The following SEMA3E variants were observed in gnomAD, a reference collection of about 807,000 sequenced individuals.
SEMA3E encodes the protein semaphorin-3E.
SEMA3E carries 49 observed loss-of-function variants against 93.6 expected under a neutral mutation model. The ratio of observed to expected loss-of-function variants is 0.52; its 90% CI spans 0.42 to 0.66. SEMA3E has a LOEUF of 0.66. Ranked by LOEUF, SEMA3E falls within the 30% of genes least tolerant of loss-of-function variation. SEMA3E has a pLI of 0.00. For synonymous variants in SEMA3E, 363 were observed against 330.7 expected (o/e 1.10, Z -1.06); for missense variants, 906 against 964.8 (o/e 0.94, Z 0.81).
At chr7:83,545,194 C>T (rs565611253) in intron 1 of SEMA3E, among the ~76,000 whole-genome samples, 10 of 151,976 alleles carry the variant, frequency 6.6e-5, no homozygotes, top group African/African-American at 9.6e-5. Context: ...TGTTTAGAAA[C>T]GGGAGCCATA....
chr7:83,479,786 C>T (rs899429359), intron 2 of SEMA3E, among the ~76,000 whole-genome samples: 3 of 152,268 alleles, frequency 2.0e-5, no homozygotes, highest in Admixed American at 2.0e-4. Flanking sequence ...CTATAGAATC[C>T]GTGTTCTTTG....
chr7:83,630,765 C>T (rs1793769911), intron 1 of SEMA3E, among the ~76,000 whole-genome samples: 1 of 152,172 alleles, frequency 6.6e-6, no homozygotes, highest in East Asian at 1.9e-4. Flanking sequence ...AGCTCATAAA[C>T]TGGTAATGTA....
rs1459947839 is a variant in SEMA3E, at chr7:83,366,186, T to A, written c.*1400A>T. ...AACTGAAATAAACACTGTTTAAGAT[T>A]AATATCTAAATAAATGTTCATAATG... On this transcript the variant is annotated 3_prime_UTR_variant, in exon 17 of 17. Transcript: ENST00000643230. 1.3e-5 allele frequency: 2 copies of A among 152,084 alleles called. No homozygotes were observed. The highest frequency in any genetic ancestry group is 4.8e-5 in the African/African-American group (2 of 41,450). The allele number at this position is 152,084 out of a possible 1,614,324, so 9.4% of individuals were successfully genotyped here. A position where few individuals can be genotyped will look rare whatever the true frequency, so the allele number is the denominator to read the frequency against.
At chr7:83,427,200 CTTTTT>C (rs757026243) in intron 4 of SEMA3E, among the ~76,000 whole-genome samples, 1 of 151,584 alleles carries the variant, frequency 6.6e-6, no homozygotes, top group Admixed American at 6.6e-5. Flanking sequence ...TCCTTTCCTT[CTTTTT>C]TTCTTTTTTC....
At chr7:83,529,617 A>C (rs1400079266) in intron 1 of SEMA3E, among the ~76,000 whole-genome samples, 1 of 152,146 alleles carries the variant, frequency 6.6e-6, no homozygotes, top group Non-Finnish European at 1.5e-5. Context: ...GACTTTAGCT[A>C]GTCTATCCAG....
At chr7:83,389,511 T>A (rs1787948959) in intron 14 of SEMA3E, among the ~76,000 whole-genome samples, 1 of 151,760 alleles carries the variant, frequency 6.6e-6, no homozygotes, top group Non-Finnish European at 1.5e-5. Context: ...AAGAAAGACA[T>A]CACATTCTCC....
At chr7:83,493,191 A>C (rs1362679911) in intron 1 of SEMA3E, among the ~76,000 whole-genome samples, 2 of 151,942 alleles carry the variant, frequency 1.3e-5, no homozygotes, top group Admixed American at 6.6e-5. Context: ...TACAGTGCTG[A>C]GCTTTTATTT....
chr7:83,581,256 C>A (rs1562841995), intron 1 of SEMA3E, among the ~76,000 whole-genome samples: 1 of 151,934 alleles, frequency 6.6e-6, no homozygotes, highest in Non-Finnish European at 1.5e-5. Context: ...CTTTGTGTAT[C>A]ATTCCATCAG....
chr7:83,608,516 T>C (rs2115572032), intron 1 of SEMA3E, among the ~76,000 whole-genome samples: 1 of 152,240 alleles, frequency 6.6e-6, no homozygotes, highest in South Asian at 2.1e-4. Context: ...TTATAGTACA[T>C]ATATAATTCT....
intron 4 of SEMA3E, among the ~76,000 whole-genome samples, chr7:83,454,172 T>C (rs529971656): frequency 2.1e-5 from 3 of 146,006 alleles, no homozygotes; most frequent in Non-Finnish European, 4.5e-5. Flanking sequence ...GCAGGAGAAT[T>C]GCGTGAACCC....
chr7:83,583,227 G>A (rs1562842695), intron 1 of SEMA3E, among the ~76,000 whole-genome samples: 3 of 152,074 alleles, frequency 2.0e-5, no homozygotes, highest in Admixed American at 2.0e-4. Flanking sequence ...TATTTTTTAA[G>A]TTGATACATA....
intron 1 of SEMA3E, among the ~76,000 whole-genome samples, chr7:83,629,647 C>T (rs1793745031): frequency 6.6e-6 from 1 of 152,158 alleles, no homozygotes; most frequent in Admixed American, 6.5e-5. Flanking sequence ...TCCCCCCAAG[C>T]TTGAGTGTCC....
rs71074649 is a variant in SEMA3E, at chr7:83,394,271, T to TAC, written c.1500+24_1500+25dup. 841 of 1,489,522 alleles carry TAC rather than the reference T, an allele frequency of 5.6e-4. 2 individuals are homozygous for TAC. In the African/African-American group the frequency reaches 9.4e-3, roughly 17 times the overall value. 92.3% of individuals were successfully genotyped at this position (1,489,522 alleles called of 1,614,324 possible). On this transcript the variant is annotated intron_variant, in intron 13 of 16. Coordinates refer to ENST00000643230, the MANE Select transcript of SEMA3E (RefSeq NM_012431.3). ...AGCTCACATATAGAACACACACACC[T>TAC]ACACACACACACACACAGAACTTAC... is the stretch of plus-strand genomic sequence containing the variant.
At position 83,388,333 on chromosome 7, in the gene SEMA3E, A is replaced by G. The variant is rs982658137; in HGVS notation, c.1668-1283T>C. On this transcript the variant is annotated intron_variant, in intron 14 of 16. Transcript: ENST00000643230. ...AAAAAATAAAAAAATAAAAAAAAATATATATATATCTTTAAATATATAATA... is the reference window on the plus strand; with the variant it reads ...AAAAAATAAAAAAATAAAAAAAAATGTATATATATCTTTAAATATATAATA... Among the ~76,000 whole-genome samples the G allele has an allele frequency of 1.4e-4, 20 of 145,336 alleles. 2 individuals are homozygous for G. The South Asian group carries it at 3.2e-3, about 23-fold the overall frequency.
chr7:83,396,324 A>G (rs1271660817), intron 12 of SEMA3E, among the ~76,000 whole-genome samples: 1 of 151,774 alleles, frequency 6.6e-6, no homozygotes, highest in Non-Finnish European at 1.5e-5. Flanking sequence ...TTTTGTCAGT[A>G]TTGATAGTAC....
intron 1 of SEMA3E, among the ~76,000 whole-genome samples, chr7:83,581,665 C>T (rs1792520466): frequency 6.6e-6 from 1 of 151,984 alleles, no homozygotes; most frequent in African/African-American, 2.4e-5. Context: ...AACGACATCA[C>T]ATAACTTCAA....
intron 1 of SEMA3E, among the ~76,000 whole-genome samples, chr7:83,583,985 C>G (rs967426667): frequency 6.6e-6 from 1 of 151,992 alleles, no homozygotes; most frequent in Non-Finnish European, 1.5e-5. Context: ...CAAAGAGGGA[C>G]TAGACTCTTG....
chr7:83,369,750 T>C (rs1794726365), intron 16 of SEMA3E, among the ~76,000 whole-genome samples: 2 of 152,202 alleles, frequency 1.3e-5, no homozygotes, highest in Admixed American at 1.3e-4. Context: ...GCAACTGTTA[T>C]AGGCAACTAA....
At chr7:83,479,452 A>G (rs933178896) in intron 2 of SEMA3E, among the ~76,000 whole-genome samples, 1 of 152,148 alleles carries the variant, frequency 6.6e-6, no homozygotes, top group African/African-American at 2.4e-5. Flanking sequence ...TCATATCCCC[A>G]TATATGTTTC....
Sources: allele counts gnomAD v4.1 joint callset (sites outside exome capture counted in the v4.1 genomes callset), GRCh38; gene constraint gnomAD v4.1.1; transcripts MANE v1.5; gene names NCBI Gene and HGNC (gene_info 2026-07-23, HGNC 2026-07-21).